PIEZO2: variants seen among roughly 807,000 people sequenced by gnomAD.
PIEZO2 encodes the protein piezo-type mechanosensitive ion channel component 2.
In PIEZO2, 172 loss-of-function variants were observed where a neutral mutation model predicts 337.3. That is an observed-to-expected ratio of 0.51 (90% CI 0.45 to 0.58). PIEZO2 has a LOEUF of 0.58. PIEZO2 is among the 20% of genes least tolerant of loss of function. The pLI is 0.00. For synonymous variants in PIEZO2, 1,251 were observed against 1,228.5 expected, an observed-to-expected ratio of 1.02 and a Z score of -0.38; for missense variants, 3,028 against 3,391.3, an observed-to-expected ratio of 0.89 and a Z score of 2.66.
rs912957420 is a variant in PIEZO2, at chr18:10,846,906, T to A, written c.917+8447A>T. On this transcript the variant is annotated intron_variant, in intron 7 of 55. Transcript: ENST00000674853. This position sits in a 1 kb window ranked among gnomAD's most constrained non-coding sequence, Gnocchi z 4.1. ...GCTAGAACTGTTGGAAATGGGGAAG[T>A]GAGTTTGAATAATAAAAATATTTGA... 6.6e-6 allele frequency among the ~76,000 whole-genome samples: 1 copy of A among 151,990 alleles called. No individual in the cohort carries two copies. Among genetic ancestry groups the A allele is most frequent in the Non-Finnish European group, 1.5e-5 (1 of 67,970 alleles).
rs890579003 is a variant in PIEZO2, at chr18:10,725,055, C to T, written c.5029+6352G>A. 4.5e-6 allele frequency: 7 copies of T among 1,555,416 alleles called. No individual in the cohort carries two copies. In the South Asian group the frequency reaches 6.7e-5, roughly 15 times the overall value. ...GCATGTTGGTGGCCCTGCGGCCAAC[C>T]AACGTGGACCGTGAGGGAGACAAGT... On this transcript the variant is annotated intron_variant, in intron 36 of 55. Transcript: ENST00000674853.
At chr18:10,693,833 T>G (rs1159142049) in intron 47 of PIEZO2, among the ~76,000 whole-genome samples, 1 of 152,136 alleles carries the variant, frequency 6.6e-6, no homozygotes, top group African/African-American at 2.4e-5. Context: ...TAAGGTGTCT[T>G]TCTTCTCTGA....
In PIEZO2 at chr18:10,945,229, G is replaced by C; in HGVS notation, c.287-34001C>G. 6.6e-6 allele frequency among the ~76,000 whole-genome samples: 1 copy of C among 152,062 alleles called. No homozygotes were observed. ...AGATGTCTCTCTGTCACTCAGGCTG[G>C]AGTGCAGTGGCACAATCATAGCTCA... is the stretch of plus-strand genomic sequence containing the variant. On this transcript the variant is annotated intron_variant, in intron 3 of 55. Coordinates refer to ENST00000674853, the MANE Select transcript of PIEZO2 (RefSeq NM_001378183.1). This position sits in a 1 kb window ranked among gnomAD's most constrained non-coding sequence, Gnocchi z 4.0.
At chr18:10,698,017 T>C in intron 44 of PIEZO2, 137 bp from the exon 45 acceptor site, 1 of 76,952 alleles carries the variant, frequency 1.3e-5, no homozygotes, top group South Asian at 2.0e-4. Context: ...ATGCACGGCC[T>C]TGGGATTTGT....
Position 10,708,190 on chromosome 18 carries a change from A to G in PIEZO2, c.5588+85T>C, listed in dbSNP as rs973186478. The G allele has an allele frequency of 2.0e-5, 3 of 151,892 alleles. No homozygotes were observed. In the Admixed American group the frequency reaches 2.0e-4, roughly 10 times the overall value. 9.4% of individuals were successfully genotyped at this position (151,892 alleles called of 1,614,324 possible). ...AAATAAAAATGAAATAAAAACATACATCACAAGAACTTATATTTGCAGTGA... is the reference window on the plus strand; with the variant it reads ...AAATAAAAATGAAATAAAAACATACGTCACAAGAACTTATATTTGCAGTGA... On this transcript the variant is annotated intron_variant, in intron 40 of 55. Transcript: ENST00000674853.
In PIEZO2 at chr18:10,932,294, G is replaced by C. The variant is rs531678704; in HGVS notation, c.287-21066C>G. ...GCCTGTGGTCCCAGCTACTGGGGAG[G>C]CTGAGGTGGGAGGATCAATTGAGCC... is the stretch of plus-strand genomic sequence containing the variant. On this transcript the variant is annotated intron_variant, in intron 3 of 55. Transcript: ENST00000674853. Among the ~76,000 whole-genome samples the C allele has an allele frequency of 2.0e-5, 3 of 152,232 alleles. No homozygotes were observed. The South Asian group carries it at 6.2e-4, about 32-fold the overall frequency.
chr18:10,935,571 T>C (rs528759958), intron 3 of PIEZO2, among the ~76,000 whole-genome samples: 63 of 152,312 alleles, frequency 4.1e-4, no homozygotes, highest in African/African-American at 1.3e-3. Flanking sequence ...CTCTTTCAAG[T>C]CTTGAGAACC....
At position 11,047,973 on chromosome 18, in the gene PIEZO2, G is replaced by A. The variant is rs549064946; in HGVS notation, c.160+18154C>T. On this transcript the variant is annotated intron_variant, in intron 2 of 55. Coordinates refer to ENST00000674853, the MANE Select transcript of PIEZO2 (RefSeq NM_001378183.1). The surrounding 1 kb of genome is among the most constrained non-coding windows in gnomAD (Gnocchi z 7.2). ...AATCCACATGCAATCCTGCACACAC[G>A]CATGCTCAGGTACTCCAGGCCTTCC... Among the ~76,000 whole-genome samples, 4 of 152,194 alleles carry A rather than the reference G, an allele frequency of 2.6e-5. No individual in the cohort carries two copies. The highest frequency in any genetic ancestry group is 9.6e-5 in the African/African-American group (4 of 41,528).
intron 2 of PIEZO2, among the ~76,000 whole-genome samples, chr18:10,999,404 T>C (rs905062027): frequency 6.6e-6 from 1 of 152,172 alleles, no homozygotes; most frequent in Non-Finnish European, 1.5e-5. Flanking sequence ...CAACCATGGA[T>C]GAAAAATATA....
Position 10,863,363 on chromosome 18 carries a change from A to G in PIEZO2, c.493-6152T>C, listed in dbSNP as rs2041925995. ...ATCGCATTTAATGGATAAAGCAAAT[A>G]TTTTATTCTGTTGCTACATTTGTTT... On this transcript the variant is annotated intron_variant, in intron 5 of 55. Transcript: ENST00000674853. The surrounding 1 kb of genome is among the most constrained non-coding windows in gnomAD (Gnocchi z 4.3). Among the ~76,000 whole-genome samples the G allele has an allele frequency of 6.6e-6, 1 of 152,238 alleles. No individual in the cohort carries two copies. Among genetic ancestry groups the G allele is most frequent in the South Asian group, 2.1e-4 (1 of 4,832 alleles).
intron 54 of PIEZO2, among the ~76,000 whole-genome samples, chr18:10,674,764 T>C (rs2033919570): frequency 6.6e-6 from 1 of 152,254 alleles, no homozygotes; most frequent in Non-Finnish European, 1.5e-5. Flanking sequence ...ATCCAAGTTA[T>C]ATTGCGAAAA....
chr18:11,141,595 C>T (rs1318172232), intron 1 of PIEZO2, among the ~76,000 whole-genome samples: 7 of 152,270 alleles, frequency 4.6e-5, no homozygotes, highest in Admixed American at 3.9e-4. Flanking sequence ...TTGGTGTGGA[C>T]AGCACTTGCA....
chr18:10,813,215 G>C lies in PIEZO2; in HGVS notation c.918-5941C>G, dbSNP rs978641538. Reference sequence around the variant, plus strand: ...AGGCTGGTCTCCAACTCCTGACCTCGTGATTTGCCCGCCTGGGCCTCCCAA... The same window carrying C: ...AGGCTGGTCTCCAACTCCTGACCTCCTGATTTGCCCGCCTGGGCCTCCCAA... On this transcript the variant is annotated intron_variant, in intron 7 of 55. Coordinates refer to ENST00000674853, the MANE Select transcript of PIEZO2 (RefSeq NM_001378183.1). This position sits in a 1 kb window ranked among gnomAD's most constrained non-coding sequence, Gnocchi z 4.2. Among the ~76,000 whole-genome samples, 1 of 152,054 alleles carries C rather than the reference G, an allele frequency of 6.6e-6. No homozygotes were observed. The highest frequency in any genetic ancestry group is 1.5e-5 in the Non-Finnish European group (1 of 67,992).
In PIEZO2 at chr18:10,773,485, AAGATC is replaced by A; in HGVS notation, c.2707_2711del (p.Asp903TrpfsTer35). On this transcript the variant is annotated frameshift_variant, in exon 20 of 56. Coordinates refer to ENST00000674853, the MANE Select transcript of PIEZO2 (RefSeq NM_001378183.1). LOFTEE classifies it high-confidence loss of function. This position sits in a 1 kb window ranked among gnomAD's most constrained non-coding sequence, Gnocchi z 5.3. ...CCTCTGACTCCTCGCTGTCTTTCCC[AAGATC>A]ACCCTTCTGGGCTTTTTCAGAGTAG... The A allele has an allele frequency of 6.5e-7, 1 of 1,537,328 alleles. No homozygotes were observed. The highest frequency in any genetic ancestry group is 8.7e-7 in the Non-Finnish European group (1 of 1,146,952).
At position 10,789,028 on chromosome 18, in the gene PIEZO2, G is replaced by A. The variant is rs1332818731; in HGVS notation, c.2169+51C>T. 4 of 1,486,338 alleles carry A rather than the reference G, an allele frequency of 2.7e-6. No homozygotes were observed. The Admixed American group carries it at 8.7e-5, about 32-fold the overall frequency. 92.1% of individuals were successfully genotyped at this position (1,486,338 alleles called of 1,614,324 possible). Reference sequence around the variant, plus strand: ...TAAAATCTCTGCAGAGGTAGCTCATGTATACTCCTGGGAGAGATGTGAGAA... The same window carrying A: ...TAAAATCTCTGCAGAGGTAGCTCATATATACTCCTGGGAGAGATGTGAGAA... On this transcript the variant is annotated intron_variant, in intron 15 of 55. Transcript: ENST00000674853.
In PIEZO2 at chr18:10,680,329, T is replaced by C. The variant is rs199956726; in HGVS notation, c.7822A>G (p.Thr2608Ala). The C allele has an allele frequency of 9.9e-5, 159 of 1,613,978 alleles. No homozygotes were observed. The highest frequency in any genetic ancestry group is 1.3e-5 in the Non-Finnish European group (15 of 1,179,972). Residue 2608 changes from threonine (T) to alanine (A), a missense_variant, in exon 52 of 56, where the codon ACA (threonine) becomes GCA (alanine). This residue lies in a region of PIEZO2 where 332 missense variants were observed against 363.8 expected (regional missense o/e 0.91). Coordinates refer to ENST00000674853, the MANE Select transcript of PIEZO2 (RefSeq NM_001378183.1). ...GAGTTTCCTTCCAGTTCTGCTACTG[T>C]TATGTCTTCTTTTTCATAATTTTCC... is the stretch of plus-strand genomic sequence containing the variant. ...FLENYEKEDI[T>A]VAELEGNSNS...
intron 2 of PIEZO2, among the ~76,000 whole-genome samples, chr18:11,057,378 G>T (rs1157507154): frequency 2.6e-5 from 4 of 152,166 alleles, no homozygotes; most frequent in African/African-American, 4.8e-5. Flanking sequence ...CACACATCAA[G>T]ATCTGAAACA....
chr18:10,778,832 C>T (rs2038881517), intron 18 of PIEZO2, among the ~76,000 whole-genome samples: 1 of 152,164 alleles, frequency 6.6e-6, no homozygotes, highest in African/African-American at 2.4e-5. Context: ...AAGTCTCGTC[C>T]TTCGGGATCA....
rs887078006 is a variant in PIEZO2, at chr18:10,850,003, C to T, written c.917+5350G>A. On this transcript the variant is annotated intron_variant, in intron 7 of 55. Coordinates refer to ENST00000674853, the MANE Select transcript of PIEZO2 (RefSeq NM_001378183.1). This position sits in a 1 kb window ranked among gnomAD's most constrained non-coding sequence, Gnocchi z 4.5. ...TTGCAGTTATTGTTATAATAGACTA[C>T]AGCACTTCAGATTTGGGAAGAATAA... Among the ~76,000 whole-genome samples, 1 of 152,196 alleles carries T rather than the reference C, an allele frequency of 6.6e-6. No individual in the cohort carries two copies. The highest frequency in any genetic ancestry group is 1.9e-4 in the East Asian group (1 of 5,192).
Sources: allele counts gnomAD v4.1 joint callset (sites outside exome capture counted in the v4.1 genomes callset), GRCh38; gene constraint gnomAD v4.1.1; regional missense constraint gnomAD v4.1.1; non-coding constraint Gnocchi (gnomAD v3.1); transcripts MANE v1.5; gene names NCBI Gene and HGNC (gene_info 2026-07-23, HGNC 2026-07-21).